Variants in ENTPD1 observed in about 807,000 individuals in gnomAD.
ENTPD1 encodes the protein ectonucleoside triphosphate diphosphohydrolase 1.
ENTPD1 carries 33 observed loss-of-function variants against 57.0 expected under a neutral mutation model. The ratio of observed to expected loss-of-function variants is 0.58; its 90% CI spans 0.44 to 0.77. The LOEUF (loss-of-function observed/expected upper bound fraction) is 0.77, where lower values mean the gene tolerates loss of function less well. Ranked by LOEUF, ENTPD1 falls within the 30% of genes least tolerant of loss-of-function variation. The pLI is 0.00. For synonymous variants in ENTPD1, 202 were observed against 218.8 expected (o/e 0.92, Z 0.68); for missense variants, 501 against 603.4 (o/e 0.83, Z 1.78).
intron 1 of ENTPD1, among the ~76,000 whole-genome samples, chr10:95,811,704 A>G (rs2098308764): frequency 6.6e-6 from 1 of 152,184 alleles, no homozygotes; most frequent in Non-Finnish European, 1.5e-5. Flanking sequence ...TTTTTCACAT[A>G]ATGAAATGTT....
chr10:95,804,414 T>A (rs2098263672), intron 1 of ENTPD1, among the ~76,000 whole-genome samples: 1 of 152,204 alleles, frequency 6.6e-6, no homozygotes, highest in Non-Finnish European at 1.5e-5. Context: ...CCCTTGTAAG[T>A]TGGATTCCTA....
chr10:95,729,290 T>G (rs1486177437), intron 1 of ENTPD1, among the ~76,000 whole-genome samples: 1 of 152,204 alleles, frequency 6.6e-6, no homozygotes, highest in Non-Finnish European at 1.5e-5. Flanking sequence ...AGTACCTATA[T>G]GGAAAGTGGC....
upstream of ENTPD1, among the ~76,000 whole-genome samples, chr10:95,709,737 G>A (rs1253834461): frequency 6.6e-6 from 1 of 150,508 alleles, no homozygotes; most frequent in Non-Finnish European, 1.5e-5. Context: ...TGCTCCCCAA[G>A]ATGCAGTGTT....
intron 1 of ENTPD1, among the ~76,000 whole-genome samples, chr10:95,723,364 G>A (rs2097979844): frequency 6.6e-6 from 1 of 151,562 alleles, no homozygotes; most frequent in South Asian, 2.1e-4. Flanking sequence ...TACAAACTTG[G>A]GGCCCTGGCA....
chr10:95,869,292 C>T lies in ENTPD1; in HGVS notation c.*2909C>T. ...TGAGAGAGAGTCTCACTCCATTGCC[C>T]AGGCTGGAGTGCAGTGGTGCTATCT... On this transcript the variant is annotated 3_prime_UTR_variant, in exon 10 of 10. Coordinates refer to ENST00000371205, the MANE Select transcript of ENTPD1 (RefSeq NM_001776.6). 1.1e-6 allele frequency: 1 copy of T among 944,524 alleles called. No individual in the cohort carries two copies. Among genetic ancestry groups the T allele is most frequent in the South Asian group, 5.0e-5 (1 of 20,126 alleles). The allele number at this position is 944,524 out of a possible 1,614,324, so 58.5% of individuals were successfully genotyped here.
chr10:95,817,803 GC>G (rs771062987), intron 1 of ENTPD1, among the ~76,000 whole-genome samples: 6 of 152,204 alleles, frequency 3.9e-5, no homozygotes, highest in Middle Eastern at 3.4e-3. Context: ...TGTTTATCTT[GC>G]TTATTGTATT....
chr10:95,827,283 C>T (rs1220395316), intron 2 of ENTPD1, among the ~76,000 whole-genome samples: 3 of 151,878 alleles, frequency 2.0e-5, no homozygotes, highest in African/African-American at 7.3e-5. Flanking sequence ...GAAATCCCGT[C>T]TCTACTAAAA....
At chr10:95,722,011 A>G (rs2097978012) in intron 1 of ENTPD1, among the ~76,000 whole-genome samples, 1 of 152,220 alleles carries the variant, frequency 6.6e-6, no homozygotes, top group South Asian at 2.1e-4. Flanking sequence ...TGCCCCATCA[A>G]GATACATTCC....
chr10:95,788,120 G>T (rs1157060453), intron 1 of ENTPD1, among the ~76,000 whole-genome samples: 1 of 152,118 alleles, frequency 6.6e-6, no homozygotes, highest in African/African-American at 2.4e-5. Context: ...TGATTGAGAA[G>T]GTAGGAGAAA....
At chr10:95,853,648 T>C (rs2140923276) in intron 7 of ENTPD1, among the ~76,000 whole-genome samples, 1 of 152,362 alleles carries the variant, frequency 6.6e-6, no homozygotes, top group African/African-American at 2.4e-5. Flanking sequence ...TGAAGAGTTG[T>C]TGAATTTTGT....
upstream of ENTPD1, among the ~76,000 whole-genome samples, chr10:95,753,033 G>A (rs1357381278): frequency 6.6e-6 from 1 of 152,124 alleles, no homozygotes; most frequent in Non-Finnish European, 1.5e-5. Context: ...GGATGAAGGT[G>A]TAGGAAAAAT....
At chr10:95,734,259 T>G (rs2097992165) in intron 1 of ENTPD1, among the ~76,000 whole-genome samples, 1 of 152,196 alleles carries the variant, frequency 6.6e-6, no homozygotes, top group Admixed American at 6.5e-5. Flanking sequence ...GTAAGAGGAC[T>G]CCAGTAATGA....
chr10:95,764,584 G>A (rs1432683103), intron 1 of ENTPD1, among the ~76,000 whole-genome samples: 1 of 152,120 alleles, frequency 6.6e-6, no homozygotes, highest in Non-Finnish European at 1.5e-5. Context: ...CCTTCCTAAT[G>A]AGTGTGAAGT....
chr10:95,805,037 A>G (rs1320417397), intron 1 of ENTPD1, among the ~76,000 whole-genome samples: 2 of 152,106 alleles, frequency 1.3e-5, no homozygotes, highest in Non-Finnish European at 1.5e-5. Context: ...CAAGTCCTGG[A>G]TATCCTTGTT....
At chr10:95,816,904 A>G (rs931553222) in intron 1 of ENTPD1, among the ~76,000 whole-genome samples, 3 of 152,234 alleles carry the variant, frequency 2.0e-5, no homozygotes, top group African/African-American at 7.2e-5. Context: ...TTAAAGTGCT[A>G]AGAGTAGAAT....
chr10:95,709,760 T>TTG (rs1419333171), upstream of ENTPD1, among the ~76,000 whole-genome samples: 21 of 151,254 alleles, frequency 1.4e-4, no homozygotes, highest in African/African-American at 4.9e-4. Context: ...TTGTTGTTGT[T>TTG]TGTTTGTTTG....
chr10:95,858,903 T>C (rs903692753), intron 7 of ENTPD1, among the ~76,000 whole-genome samples: 5 of 152,224 alleles, frequency 3.3e-5, no homozygotes, highest in African/African-American at 9.6e-5. Flanking sequence ...GGGATTTCTA[T>C]AAAGGATTGT....
intron 4 of ENTPD1, 81 bp downstream of exon 4, chr10:95,842,575 C>T: frequency 6.7e-7 from 1 of 1,499,470 alleles, no homozygotes; most frequent in Non-Finnish European, 9.0e-7. Flanking sequence ...GGGAAAGGGC[C>T]ACACTCCCTA....
At chr10:95,848,351 A>C (rs536546666) in intron 7 of ENTPD1, among the ~76,000 whole-genome samples, 1 of 152,128 alleles carries the variant, frequency 6.6e-6, no homozygotes, top group Non-Finnish European at 1.5e-5. Context: ...CACTTTTTCC[A>C]GTGTACAAAT....
Sources: allele counts gnomAD v4.1 joint callset (sites outside exome capture counted in the v4.1 genomes callset), GRCh38; gene constraint gnomAD v4.1.1; transcripts MANE v1.5; gene names NCBI Gene and HGNC (gene_info 2026-07-23, HGNC 2026-07-21).